NME7: variants seen among roughly 807,000 people sequenced by gnomAD.
The protein encoded by NME7 is nucleoside diphosphate kinase 7.
Under a neutral mutation model 49.1 loss-of-function variants are expected in NME7, and 41 were observed. The observed-to-expected ratio is 0.83, with a 90% CI of 0.65 to 1.08. NME7 has a LOEUF of 1.08. Among genes scored for constraint, NME7 ranks in the 50% least tolerant of loss-of-function variants. The pLI is 0.00. For missense variants in NME7, 423 were observed against 463.4 expected, an observed-to-expected ratio of 0.91 and a Z score of 0.80; for synonymous variants, 139 against 150.6, an observed-to-expected ratio of 0.92 and a Z score of 0.56.
intron 10 of NME7, among the ~76,000 whole-genome samples, chr1:169,224,221 C>T (rs2101810251): frequency 6.6e-6 from 1 of 152,286 alleles, no homozygotes; most frequent in African/African-American, 2.4e-5. Context: ...GGGCTGCCTC[C>T]AAGTGTGAAT....
At chr1:169,148,715 G>T (rs1290425675) in intron 11 of NME7, among the ~76,000 whole-genome samples, 1 of 152,174 alleles carries the variant, frequency 6.6e-6, no homozygotes, top group Non-Finnish European at 1.5e-5. Flanking sequence ...TGAGTGAATT[G>T]GTTTCATCTT....
intron 10 of NME7, among the ~76,000 whole-genome samples, chr1:169,172,644 C>T (rs1163291979): frequency 6.6e-6 from 1 of 152,148 alleles, no homozygotes; most frequent in Non-Finnish European, 1.5e-5. Context: ...TCTTTGAAGG[C>T]TCATAATTGC....
chr1:169,230,368 T>C (rs1165630912), intron 10 of NME7, among the ~76,000 whole-genome samples: 4 of 152,182 alleles, frequency 2.6e-5, no homozygotes, highest in Non-Finnish European at 5.9e-5. Flanking sequence ...TATAAAAGCT[T>C]TATTTATGGC....
rs1267858879 is a variant in NME7, at chr1:169,342,696, GTATA to G, written c.4-18200_4-18197del. 7.8e-5 allele frequency among the ~76,000 whole-genome samples: 3 copies of G among 38,696 alleles called. 1 individual carries two copies. Among genetic ancestry groups the G allele is most frequent in the Non-Finnish European group, 1.2e-4 (3 of 24,280 alleles). The allele number at this position is 38,696 out of a possible 152,430, so 25.4% of individuals were successfully genotyped here. ...ATATATATACAAGTACATATATATA[GTATA>G]TATATATACAAGTACATATATATAT... On this transcript the variant is annotated intron_variant, in intron 1 of 11. Coordinates refer to ENST00000367811, the MANE Select transcript of NME7 (RefSeq NM_013330.5).
rs1172163052 is a variant in NME7 at position 169,275,662 on chromosome 1, T to C, written c.754+11641A>G. 1.5e-5 allele frequency among the ~76,000 whole-genome samples: 2 copies of C among 129,192 alleles called. 1 individual carries two copies. The highest frequency in any genetic ancestry group is 3.6e-5 in the Non-Finnish European group (2 of 56,062). The allele number at this position is 129,192 out of a possible 152,430, so 84.8% of individuals were successfully genotyped here. On this transcript the variant is annotated intron_variant, in intron 7 of 11. Coordinates refer to ENST00000367811, the MANE Select transcript of NME7 (RefSeq NM_013330.5). Reference sequence around the variant, plus strand: ...ACAATTTGACTTCCTCTTTCCCTAATTGAATACCCTTTATTTCCTTCTCCT... The same window carrying C: ...ACAATTTGACTTCCTCTTTCCCTAACTGAATACCCTTTATTTCCTTCTCCT...
rs952038994 is a variant in NME7 at position 169,170,819 on chromosome 1, T to C, written c.991-1265A>G. Reference sequence around the variant, plus strand: ...GTGCGTGCCTGTAATACCAGATATTTAGGAGGCTCAGGCAGGAGAATCACC... The same window carrying C: ...GTGCGTGCCTGTAATACCAGATATTCAGGAGGCTCAGGCAGGAGAATCACC... On this transcript the variant is annotated intron_variant, in intron 10 of 11. Coordinates refer to ENST00000367811, the MANE Select transcript of NME7 (RefSeq NM_013330.5). Among the ~76,000 whole-genome samples, 4 of 152,058 alleles carry C rather than the reference T, an allele frequency of 2.6e-5. No homozygotes were observed. The South Asian group carries it at 8.3e-4, about 32-fold the overall frequency.
At chr1:169,345,305 T>C (rs1464462610) in intron 1 of NME7, among the ~76,000 whole-genome samples, 2 of 152,192 alleles carry the variant, frequency 1.3e-5, no homozygotes, top group Non-Finnish European at 2.9e-5. Context: ...TTCTCCATTT[T>C]CTATTTTACT....
chr1:169,189,186 G>T lies in NME7; in HGVS notation c.991-19632C>A, dbSNP rs551874805. Among the ~76,000 whole-genome samples, 9 of 152,166 alleles carry T rather than the reference G, an allele frequency of 5.9e-5. No homozygotes were observed. In the South Asian group the frequency reaches 1.7e-3, roughly 28 times the overall value. Reference sequence around the variant, plus strand: ...AAAAGGAAGTTTAAAATAAATAAATGAACACAACAATGACAATGTTGTAAA... The same window carrying T: ...AAAAGGAAGTTTAAAATAAATAAATTAACACAACAATGACAATGTTGTAAA... On this transcript the variant is annotated intron_variant, in intron 10 of 11. Coordinates refer to ENST00000367811, the MANE Select transcript of NME7 (RefSeq NM_013330.5).
intron 10 of NME7, among the ~76,000 whole-genome samples, chr1:169,218,835 A>G (rs1661054238): frequency 6.6e-6 from 1 of 152,074 alleles, no homozygotes; most frequent in African/African-American, 2.4e-5. Context: ...AGTAGGAAAA[A>G]ACACAAAAAT....
chr1:169,245,534 T>C (rs1484770296), intron 7 of NME7, among the ~76,000 whole-genome samples: 1 of 152,194 alleles, frequency 6.6e-6, no homozygotes, highest in Non-Finnish European at 1.5e-5. Context: ...CAGTTTATTT[T>C]GGAAAGAAAC....
At chr1:169,317,858 C>G (rs188607270) in intron 3 of NME7, among the ~76,000 whole-genome samples, 1 of 152,286 alleles carries the variant, frequency 6.6e-6, no homozygotes, top group Non-Finnish European at 1.5e-5. Context: ...CTCTCTCTCT[C>G]TACTTCTTCC....
At chr1:169,339,973 T>C (rs1398336715) in intron 1 of NME7, among the ~76,000 whole-genome samples, 1 of 152,148 alleles carries the variant, frequency 6.6e-6, no homozygotes. Flanking sequence ...GGTAGTTCTC[T>C]CCATTTTCCC....
At chr1:169,215,484 C>G (rs1250630254) in intron 10 of NME7, among the ~76,000 whole-genome samples, 1 of 151,976 alleles carries the variant, frequency 6.6e-6, no homozygotes, top group Non-Finnish European at 1.5e-5. Context: ...AGGGACTCAC[C>G]CCTGTCTGCC....
rs193043675 is a variant in NME7 at position 169,264,445 on chromosome 1, C to G, written c.754+22858G>C. Among the ~76,000 whole-genome samples, 13 of 133,488 alleles carry G rather than the reference C, an allele frequency of 9.7e-5. No homozygotes were observed. In the East Asian group the frequency reaches 2.6e-3, roughly 27 times the overall value. 87.6% of individuals were successfully genotyped at this position (133,488 alleles called of 152,430 possible). A position where few individuals can be genotyped will look rare whatever the true frequency, so the allele number is the denominator to read the frequency against. ...AACAGAAAAAAGCAGGAGTTGCAAGCCTAATTTCAGACCAAACAATCTTTA... is the reference window on the plus strand; with the variant it reads ...AACAGAAAAAAGCAGGAGTTGCAAGGCTAATTTCAGACCAAACAATCTTTA... On this transcript the variant is annotated intron_variant, in intron 7 of 11. Transcript: ENST00000367811.
At chr1:169,248,005 G>A (rs891433270) in intron 7 of NME7, among the ~76,000 whole-genome samples, 2 of 152,064 alleles carry the variant, frequency 1.3e-5, no homozygotes, top group African/African-American at 4.8e-5. Flanking sequence ...ACTGAGTAGT[G>A]GGATTGCTGA....
chr1:169,243,468 C>G (rs76556083), intron 7 of NME7, among the ~76,000 whole-genome samples: 1 of 152,158 alleles, frequency 6.6e-6, no homozygotes, highest in East Asian at 1.9e-4. Flanking sequence ...ATCCTCACAA[C>G]GCTGCTATGG....
At position 169,230,828 on chromosome 1, in the gene NME7, T is replaced by A. The variant is rs748713116; in HGVS notation, c.889-9A>T. ...ATTTCTGTCACCATGTCCTATGATA[T>A]GTAATATAAAAGAATGAAAAGAATT... On this transcript the variant is annotated splice_polypyrimidine_tract_variant and intron_variant, in intron 9 of 11. Transcript: ENST00000367811. The A allele has an allele frequency of 2.0e-6, 3 of 1,531,564 alleles. No individual in the cohort carries two copies. The highest frequency in any genetic ancestry group is 2.7e-6 in the Non-Finnish European group (3 of 1,130,166). The allele number at this position is 1,531,564 out of a possible 1,614,324, so 94.9% of individuals were successfully genotyped here. A position where few individuals can be genotyped will look rare whatever the true frequency, so the allele number is the denominator to read the frequency against.
intron 8 of NME7, among the ~76,000 whole-genome samples, chr1:169,236,476 T>C (rs1647861993): frequency 1.3e-5 from 2 of 152,272 alleles, no homozygotes; most frequent in Admixed American, 1.3e-4. Context: ...GTACAAACTA[T>C]ACCCAATCAC....
Position 169,264,147 on chromosome 1 carries a change from C to T in NME7, c.754+23156G>A, listed in dbSNP as rs879731698. On this transcript the variant is annotated intron_variant, in intron 7 of 11. Transcript: ENST00000367811. ...CCATTACCAGCCACTACAAAACACA[C>T]TTAAGTACACAGACAAGTGATACTA... Among the ~76,000 whole-genome samples the T allele has an allele frequency of 1.5e-5, 2 of 133,746 alleles. 1 individual carries two copies. Among genetic ancestry groups the T allele is most frequent in the Admixed American group, 1.5e-4 (2 of 13,640 alleles). The allele number at this position is 133,746 out of a possible 152,430, so 87.7% of individuals were successfully genotyped here.
Sources: allele counts gnomAD v4.1 joint callset (sites outside exome capture counted in the v4.1 genomes callset), GRCh38; gene constraint gnomAD v4.1.1; transcripts MANE v1.5; gene names NCBI Gene and HGNC (gene_info 2026-07-23, HGNC 2026-07-21).